ARHGAP15: variants seen among roughly 807,000 people sequenced by gnomAD.
The protein encoded by ARHGAP15 is rho GTPase-activating protein 15.
ARHGAP15 carries 51 observed loss-of-function variants against 63.7 expected under a neutral mutation model. The ratio of observed to expected loss-of-function variants is 0.80; its 90% CI spans 0.64 to 1.01. The LOEUF is 1.01. ARHGAP15 is among the 50% of genes least tolerant of loss of function. The probability of loss-of-function intolerance (pLI) is 0.00; values close to 1 mark genes in which losing one functional copy is unlikely to be tolerated. For synonymous variants in ARHGAP15, 191 were observed against 193.8 expected, an observed-to-expected ratio of 0.99 and a Z score of 0.12; for missense variants, 560 against 564.6, an observed-to-expected ratio of 0.99 and a Z score of 0.08.
At chr2:143,149,925 C>A (rs190195649) in intron 1 of ARHGAP15, among the ~76,000 whole-genome samples, 2 of 152,042 alleles carry the variant, frequency 1.3e-5, no homozygotes, top group African/African-American at 4.8e-5. Flanking sequence ...ATGATACATA[C>A]CTAACGTGGC....
At chr2:143,367,613 A>T (rs1322223653) in intron 6 of ARHGAP15, among the ~76,000 whole-genome samples, 1 of 151,942 alleles carries the variant, frequency 6.6e-6, no homozygotes, top group African/African-American at 2.4e-5. Context: ...TACTCTCTGC[A>T]TCTTTTCTTT....
chr2:143,174,031 T>C (rs1200242168), intron 2 of ARHGAP15, among the ~76,000 whole-genome samples: 1 of 152,128 alleles, frequency 6.6e-6, no homozygotes, highest in Non-Finnish European at 1.5e-5. Context: ...GTGGCGACTG[T>C]ACTGGTGCCC....
intron 6 of ARHGAP15, among the ~76,000 whole-genome samples, chr2:143,286,713 T>C (rs958055322): frequency 6.6e-6 from 1 of 152,202 alleles, no homozygotes; most frequent in Admixed American, 6.5e-5. Context: ...CAGGAAATCA[T>C]AAATTTGTTA....
At chr2:143,161,132 A>G (rs1690278236) in intron 2 of ARHGAP15, among the ~76,000 whole-genome samples, 1 of 152,016 alleles carries the variant, frequency 6.6e-6, no homozygotes, top group East Asian at 1.9e-4. Context: ...AATAATTGAC[A>G]ACAAATGAAA....
intron 8 of ARHGAP15, among the ~76,000 whole-genome samples, chr2:143,439,486 TCTAA>T (rs1162984769): frequency 2.9e-5 from 4 of 138,996 alleles, no homozygotes; most frequent in South Asian, 4.8e-4. Flanking sequence ...CATTTCAAAA[TCTAA>T]CTAATTGTAC....
chr2:143,364,204 A>AAC (rs1387093006), intron 6 of ARHGAP15, among the ~76,000 whole-genome samples: 93 of 149,058 alleles, frequency 6.2e-4, no homozygotes, highest in South Asian at 3.1e-3. Context: ...CAACAACAAC[A>AAC]AAAAAAAAAA....
At chr2:143,428,572 G>A (rs563965598) in intron 6 of ARHGAP15, among the ~76,000 whole-genome samples, 10 of 151,984 alleles carry the variant, frequency 6.6e-5, no homozygotes, top group South Asian at 4.1e-4. Context: ...GATGATGGTA[G>A]TATATATAGT....
At chr2:143,148,549 C>G (rs912181062) in intron 1 of ARHGAP15, among the ~76,000 whole-genome samples, 3 of 151,780 alleles carry the variant, frequency 2.0e-5, no homozygotes, top group African/African-American at 7.3e-5. Context: ...TGGCCATGTG[C>G]AGTGATAATA....
chr2:143,283,269 ACTAT>A (rs1343954329), intron 6 of ARHGAP15, among the ~76,000 whole-genome samples: 4 of 152,156 alleles, frequency 2.6e-5, no homozygotes, highest in Non-Finnish European at 5.9e-5. Flanking sequence ...CAATGTACAC[ACTAT>A]CTAGTTTGAA....
intron 2 of ARHGAP15, among the ~76,000 whole-genome samples, chr2:143,165,970 G>GAA (rs1690492180): frequency 1.8e-5 from 2 of 112,246 alleles, no homozygotes; most frequent in Admixed American, 1.8e-4. Flanking sequence ...GAGAAAGAAA[G>GAA]AAAGAAAGAA....
chr2:143,335,254 A>C (rs1475577556), intron 6 of ARHGAP15, among the ~76,000 whole-genome samples: 1 of 152,230 alleles, frequency 6.6e-6, no homozygotes, highest in African/African-American at 2.4e-5. Context: ...TTAGCTGTGC[A>C]GTGAGAAAAT....
intron 12 of ARHGAP15, among the ~76,000 whole-genome samples, chr2:143,675,070 T>G (rs933607484): frequency 6.6e-6 from 1 of 152,244 alleles, no homozygotes; most frequent in Non-Finnish European, 1.5e-5. Context: ...CACTGCTTTA[T>G]CAACCAAGTG....
chr2:143,618,879 G>A (rs188988851), intron 11 of ARHGAP15, among the ~76,000 whole-genome samples: 10 of 152,008 alleles, frequency 6.6e-5, no homozygotes, highest in Non-Finnish European at 1.2e-4. Flanking sequence ...TCACCGAGGC[G>A]GATGGGGTGC....
chr2:143,228,049 G>T (rs1182669104), intron 4 of ARHGAP15: 1 of 152,100 alleles, frequency 6.6e-6, no homozygotes, highest in Non-Finnish European at 1.5e-5. Flanking sequence ...ACAATTTGAT[G>T]TACAAAGAGG....
intron 12 of ARHGAP15, among the ~76,000 whole-genome samples, chr2:143,654,735 C>A (rs1681345172): frequency 6.6e-6 from 1 of 152,162 alleles, no homozygotes; most frequent in African/African-American, 2.4e-5. Context: ...AATCTGGCTT[C>A]TTTCCCCCTT....
At chr2:143,256,850 AATTG>A (rs1476622795) in intron 6 of ARHGAP15, among the ~76,000 whole-genome samples, 4 of 152,074 alleles carry the variant, frequency 2.6e-5, no homozygotes, top group Non-Finnish European at 5.9e-5. Context: ...CAGGAAATAA[AATTG>A]ATTGTAAGAA....
intron 13 of ARHGAP15, among the ~76,000 whole-genome samples, chr2:143,746,982 A>G (rs1214658226): frequency 1.3e-5 from 2 of 152,172 alleles, no homozygotes; most frequent in Non-Finnish European, 2.9e-5. Context: ...AATGGATGCT[A>G]TCTGCTTTAT....
chr2:143,326,152 A>T (rs1684241005), intron 6 of ARHGAP15, among the ~76,000 whole-genome samples: 1 of 152,220 alleles, frequency 6.6e-6, no homozygotes, highest in Non-Finnish European at 1.5e-5. Flanking sequence ...AACCAAACAG[A>T]AAAACGTCAC....
At chr2:143,310,536 C>T (rs1213831307) in intron 6 of ARHGAP15, among the ~76,000 whole-genome samples, 3 of 151,778 alleles carry the variant, frequency 2.0e-5, no homozygotes, top group African/African-American at 7.3e-5. Context: ...CTTATCTATC[C>T]AAATTTTATA....
Sources: gnomAD v4.1 joint callset for allele counts (sites outside exome capture counted in the v4.1 genomes callset) on GRCh38, gnomAD v4.1.1 for gene constraint, MANE v1.5 for transcripts, NCBI Gene and HGNC (gene_info 2026-07-23, HGNC 2026-07-21) for gene names.